The following IL18 variants were observed in gnomAD, a reference collection of about 807,000 sequenced individuals.
The protein encoded by IL18 is interleukin-18.
IL18 carries 8 observed loss-of-function variants against 14.2 expected under a neutral mutation model. The observed-to-expected ratio is 0.56, with a 90% CI of 0.33 to 1.01. The LOEUF (loss-of-function observed/expected upper bound fraction) is 1.01. IL18 is among the 50% of genes least tolerant of loss of function. The probability of loss-of-function intolerance (pLI) is 0.03; values close to 1 mark genes in which losing one functional copy is unlikely to be tolerated. For missense variants in IL18, 166 were observed against 231.1 expected, an observed-to-expected ratio of 0.72 and a Z score of 1.83; for synonymous variants, 67 against 71.0, an observed-to-expected ratio of 0.94 and a Z score of 0.28.
intron 1 of IL18, among the ~76,000 whole-genome samples, chr11:112,162,192 A>G (rs1219744414): frequency 6.6e-6 from 1 of 152,164 alleles, no homozygotes; most frequent in East Asian, 1.9e-4. Context: ...TAAATGGCCT[A>G]GTTTGAAAAG....
chr11:112,158,521 G>GTTTTTTTTTTTTTTTTTTTTTTTT (rs71060226), intron 1 of IL18, among the ~76,000 whole-genome samples: 2 of 104,984 alleles, frequency 1.9e-5, no homozygotes, highest in African/African-American at 3.6e-5. Context: ...TTTATTTGGA[G>GTTTTTTTTTTTTTTTTTTTTTTTT]TTTTTTTTTT....
chr11:112,159,545 C>T (rs191484054), intron 1 of IL18, among the ~76,000 whole-genome samples: 4 of 152,188 alleles, frequency 2.6e-5, no homozygotes, highest in East Asian at 1.9e-4. Context: ...AGGATGACTT[C>T]GTAGTTTTTG....
intron 4 of IL18, 113 bp from the exon 5 acceptor site, chr11:112,148,849 T>C: frequency 1.8e-6 from 1 of 558,764 alleles, no homozygotes; most frequent in Admixed American, 4.3e-5. Context: ...ACTTTGAGAC[T>C]TGGCCAGTCT....
At chr11:112,144,360 G>A (rs1866300390) in intron 5 of IL18, among the ~76,000 whole-genome samples, 3 of 152,206 alleles carry the variant, frequency 2.0e-5, no homozygotes, top group African/African-American at 7.2e-5. Context: ...AGCCTCCTGA[G>A]TAGCTGGGAC....
intron 5 of IL18, among the ~76,000 whole-genome samples, chr11:112,147,698 G>A (rs1334615019): frequency 1.3e-5 from 2 of 152,176 alleles, no homozygotes; most frequent in African/African-American, 4.8e-5. Context: ...TTTTAGAGTG[G>A]CTTTTTTCTC....
At position 112,154,999 on chromosome 11, in the gene IL18, T is replaced by A. The variant is rs766654584; in HGVS notation, c.55A>T (p.Ile19Phe). The A allele has an allele frequency of 6.2e-7, 1 of 1,611,568 alleles. No individual in the cohort carries two copies. The highest frequency in any genetic ancestry group is 1.1e-5 in the South Asian group (1 of 91,028). Reference protein sequence around the residue: ...NCINFVAMKFIDNTLYFIAED... With the variant: ...NCINFVAMKFFDNTLYFIAED... Reference sequence around the variant, plus strand: ...CCTATAAAGTAAAGCGTATTGTCAATAAATTTCATTGCCACAAAGTTGATG... The same window carrying A: ...CCTATAAAGTAAAGCGTATTGTCAAAAAATTTCATTGCCACAAAGTTGATG... The change falls in exon 2 of 6, where the codon ATT becomes TTT. Residue 19 changes from isoleucine (I) to phenylalanine (F), a missense_variant. Ile to Phe is a conservative substitution (Grantham distance 21, BLOSUM62 0). Transcript: ENST00000280357.
chr11:112,149,558 GTTT>G (rs561459069), intron 4 of IL18, among the ~76,000 whole-genome samples: 28,881 of 100,124 alleles, frequency 0.29, 3,166 homozygotes, highest in Admixed American at 0.35. Context: ...CTTTTCTTAA[GTTT>G]TTTTTTTTTT....
At chr11:112,144,019 ATTCAG>A (rs1307694537) in intron 5 of IL18, among the ~76,000 whole-genome samples, 2 of 151,738 alleles carry the variant, frequency 1.3e-5, no homozygotes, top group Non-Finnish European at 2.9e-5. Flanking sequence ...TGGGATGCAT[ATTCAG>A]TTCCAGGCCT....
At position 112,155,165 on chromosome 11, in the gene IL18, T is replaced by G; in HGVS notation, c.-8-104A>C. Reference sequence around the variant, plus strand: ...GTGGTCAGTTAATCACCTAGTATACTGATGAACAATCTTGACATTCAATAA... The same window carrying G: ...GTGGTCAGTTAATCACCTAGTATACGGATGAACAATCTTGACATTCAATAA... On this transcript the variant is annotated intron_variant, in intron 1 of 5. Coordinates refer to ENST00000280357, the MANE Select transcript of IL18 (RefSeq NM_001562.4). 7.1e-6 allele frequency: 4 copies of G among 564,284 alleles called. No individual in the cohort carries two copies. In the East Asian group the frequency reaches 1.1e-4, roughly 16 times the overall value. 35.0% of individuals were successfully genotyped at this position (564,284 alleles called of 1,614,324 possible). A position where few individuals can be genotyped will look rare whatever the true frequency, so the allele number is the denominator to read the frequency against.
chr11:112,148,855 A>G, intron 4 of IL18, 119 bp from the exon 5 acceptor site: 1 of 511,376 alleles, frequency 2.0e-6, no homozygotes, highest in East Asian at 3.5e-5. Context: ...AGACTTGGCC[A>G]GTCTGCAGGA....
At position 112,150,159 on chromosome 11, in the gene IL18, C is replaced by T. The variant is rs567330603; in HGVS notation, c.139G>A (p.Val47Ile). 47 of 1,598,706 alleles carry T rather than the reference C, an allele frequency of 2.9e-5. No individual in the cohort carries two copies. The East Asian group carries it at 9.6e-4, about 33-fold the overall frequency. The change falls in exon 4 of 6, where the codon GTC (valine) becomes ATC (isoleucine). Residue 47 changes from valine (V) to isoleucine (I), a missense_variant. Transcript: ENST00000280357. ...ACTTGGTCATTCAAATTTCTTATGA[C>T]TGATAATTTAGATTCAAGCTTGCCA... ...YFGKLESKLS[V>I]IRNLNDQVLF...
intron 2 of IL18, among the ~76,000 whole-genome samples, chr11:112,154,104 A>T (rs895384016): frequency 2.6e-5 from 4 of 152,126 alleles, no homozygotes; most frequent in African/African-American, 4.8e-5. Context: ...GGAGGTGTCC[A>T]CAGGATATTT....
At chr11:112,146,593 G>A (rs958503455) in intron 5 of IL18, among the ~76,000 whole-genome samples, 5 of 152,120 alleles carry the variant, frequency 3.3e-5, no homozygotes, top group Admixed American at 1.3e-4. Context: ...CAAAGTGCTG[G>A]GATTATAGGC....
chr11:112,148,731 C>T lies in IL18; in HGVS notation c.232G>A (p.Ala78Thr). The T allele has an allele frequency of 2.1e-6, 3 of 1,436,408 alleles. No individual in the cohort carries two copies. Among genetic ancestry groups the T allele is most frequent in the Non-Finnish European group, 2.8e-6 (3 of 1,082,952 alleles). 89.0% of individuals were successfully genotyped at this position (1,436,408 alleles called of 1,614,324 possible). A position where few individuals can be genotyped will look rare whatever the true frequency, so the allele number is the denominator to read the frequency against. ...DMTDSDCRDN[A>T]PRTIFIISMY... ...CTTATAATAAATATGGTCCGGGGTGCATTATCTGAAATAAATATAATAAAT... is the reference window on the plus strand; with the variant it reads ...CTTATAATAAATATGGTCCGGGGTGTATTATCTGAAATAAATATAATAAAT... The change falls in exon 5 of 6, where the codon GCA becomes ACA. Residue 78 changes from alanine (A) to threonine (T), a missense_variant. Transcript: ENST00000280357.
In IL18 at chr11:112,146,679, T is replaced by A. The variant is rs549399828; in HGVS notation, c.360+1924A>T. Among the ~76,000 whole-genome samples the A allele has an allele frequency of 5.3e-5, 8 of 152,190 alleles. No homozygotes were observed. In the South Asian group the frequency reaches 1.7e-3, roughly 32 times the overall value. ...ACTTTTATAACCACTGCTAAGATCCTTATTAGTGGCAGGAAAAGGGATTAA... is the reference window on the plus strand; with the variant it reads ...ACTTTTATAACCACTGCTAAGATCCATATTAGTGGCAGGAAAAGGGATTAA... On this transcript the variant is annotated intron_variant, in intron 5 of 5. Coordinates refer to ENST00000280357, the MANE Select transcript of IL18 (RefSeq NM_001562.4).
At chr11:112,150,432 C>G in intron 3 of IL18, 1 of 410,104 alleles carries the variant, frequency 2.4e-6, no homozygotes, top group East Asian at 4.5e-5. Flanking sequence ...CTTCAAATAG[C>G]CTACTTTCTG....
intron 1 of IL18, among the ~76,000 whole-genome samples, chr11:112,160,079 C>T (rs186668362): frequency 6.6e-6 from 1 of 152,108 alleles, no homozygotes; most frequent in East Asian, 1.9e-4. Flanking sequence ...ATTCTTAACT[C>T]CTTTGTCTAA....
intron 5 of IL18, among the ~76,000 whole-genome samples, chr11:112,144,498 C>T (rs528289957): frequency 1.3e-5 from 2 of 152,344 alleles, no homozygotes; most frequent in South Asian, 4.1e-4. Flanking sequence ...CCTCCCACTT[C>T]GGCCTCCCAA....
chr11:112,145,695 T>C (rs1220231728), intron 5 of IL18, among the ~76,000 whole-genome samples: 6 of 151,436 alleles, frequency 4.0e-5, no homozygotes, highest in Non-Finnish European at 2.9e-5. Context: ...GCTGAGATCG[T>C]GCCACTGCAC....
Sources: gnomAD v4.1 joint callset for allele counts (sites outside exome capture counted in the v4.1 genomes callset) on GRCh38, gnomAD v4.1.1 for gene constraint, MANE v1.5 for transcripts, NCBI Gene and HGNC (gene_info 2026-07-23, HGNC 2026-07-21) for gene names.